Variants in TNS1 observed in about 807,000 individuals in gnomAD.
TNS1 encodes the protein tensin-1.
In TNS1, 62 loss-of-function variants were observed where a neutral mutation model predicts 168.6. That is an observed-to-expected ratio of 0.37 (90% CI 0.30 to 0.45). The LOEUF is 0.45. Ranked by LOEUF, TNS1 falls within the 20% of genes least tolerant of loss-of-function variation. The pLI, the probability that TNS1 is intolerant of heterozygous loss-of-function variation, is 1.00. For synonymous variants in TNS1, 934 were observed against 933.2 expected, an observed-to-expected ratio of 1.00 and a Z score of -0.02; for missense variants, 2,240 against 2,339.4, an observed-to-expected ratio of 0.96 and a Z score of 0.88.
chr2:217,936,681 G>A lies in TNS1; in HGVS notation c.187-16445C>T, dbSNP rs563294306. ...CTTCCCTGTATTAAAATCCCCTGCC[G>A]CTCCCCTCTTTAACCTGCCTCAGAA... On this transcript the variant is annotated intron_variant, in intron 3 of 32. Coordinates refer to ENST00000682258, the MANE Select transcript of TNS1 (RefSeq NM_001387777.1). Among the ~76,000 whole-genome samples, 8 of 152,032 alleles carry A rather than the reference G, an allele frequency of 5.3e-5. No individual in the cohort carries two copies. In the South Asian group the frequency reaches 1.0e-3, roughly 20 times the overall value.
intron 21 of TNS1, among the ~76,000 whole-genome samples, chr2:217,833,454 A>G (rs548661901): frequency 6.6e-6 from 1 of 152,302 alleles, no homozygotes; most frequent in African/African-American, 2.4e-5. Flanking sequence ...CTGACTTCTC[A>G]CCGAGGTACC....
In TNS1 at chr2:217,897,808, C is replaced by T; in HGVS notation, c.533G>A (p.Gly178Asp). The stretch of plus-strand genomic sequence containing the variant: ...AGGATCCATCCTCACCAGGTAGTTG[C>T]CTCCATGTTTGGACTTGAGCATCTG... ...VAQMLKSKHG[G>D]NYLLFNLSER... The change falls in exon 8 of 33, where the codon GGC becomes GAC. Residue 178 changes from glycine (G) to aspartate (D), a missense_variant. Coordinates refer to ENST00000682258, the MANE Select transcript of TNS1 (RefSeq NM_001387777.1). The T allele has an allele frequency of 6.2e-7, 1 of 1,602,104 alleles. No individual in the cohort carries two copies. The highest frequency in any genetic ancestry group is 8.5e-7 in the Non-Finnish European group (1 of 1,174,100).
At chr2:217,909,419 G>A in intron 4 of TNS1, among the ~76,000 whole-genome samples, 1 of 152,118 alleles carries the variant, frequency 6.6e-6, no homozygotes, top group East Asian at 1.9e-4. Flanking sequence ...CCTGCCCCAG[G>A]CCCGTTCAGG....
chr2:217,885,030 C>A lies in TNS1; in HGVS notation c.1246+5G>T, dbSNP rs199857017. On this transcript the variant is annotated splice_donor_5th_base_variant and intron_variant, in intron 16 of 32. Coordinates refer to ENST00000682258, the MANE Select transcript of TNS1 (RefSeq NM_001387777.1). ...CCCACCCCCAGCTCCACTCAAGGAG[C>A]GCACCTTTGAAAGCATCATCAAGGT... 1.9e-6 allele frequency: 3 copies of A among 1,614,166 alleles called. No individual in the cohort carries two copies. The highest frequency in any genetic ancestry group is 2.5e-6 in the Non-Finnish European group (3 of 1,179,994).
At chr2:218,003,236 C>T (rs1277053159), upstream of TNS1, among the ~76,000 whole-genome samples, 1 of 150,716 alleles carries the variant, frequency 6.6e-6, no homozygotes, top group Non-Finnish European at 1.5e-5. Context: ...CTGTGTGCCA[C>T]CAAGGCTCCT....
Position 217,813,533 on chromosome 2 carries a change from C to T in TNS1, c.4861+152G>A. 8.1e-7 allele frequency: 1 copy of T among 1,236,244 alleles called. No individual in the cohort carries two copies. 76.6% of individuals were successfully genotyped at this position (1,236,244 alleles called of 1,614,324 possible). On this transcript the variant is annotated intron_variant, in intron 26 of 32. Transcript: ENST00000682258. The surrounding 1 kb of genome is among the most constrained non-coding windows in gnomAD (Gnocchi z 4.0). ...ATCGTCCTGCTTTCCCAATCTCTGA[C>T]CTCAACCATCACCAAGCCCAAGACA...
In TNS1 at chr2:217,894,907, G is replaced by A. The variant is rs895798590; in HGVS notation, c.594+99C>T. The A allele has an allele frequency of 2.5e-6, 3 of 1,208,972 alleles. No individual in the cohort carries two copies. In the African/African-American group the frequency reaches 4.5e-5, roughly 18 times the overall value. The allele number at this position is 1,208,972 out of a possible 1,614,324, so 74.9% of individuals were successfully genotyped here. A position where few individuals can be genotyped will look rare whatever the true frequency, so the allele number is the denominator to read the frequency against. On this transcript the variant is annotated intron_variant, in intron 9 of 32. Coordinates refer to ENST00000682258, the MANE Select transcript of TNS1 (RefSeq NM_001387777.1). ...ATATAAGTCGGCACTCTGACAAACTGTCACAGCATTTTCCCCAAGATTATT... is the reference window on the plus strand; with the variant it reads ...ATATAAGTCGGCACTCTGACAAACTATCACAGCATTTTCCCCAAGATTATT...
intron 1 of TNS1, among the ~76,000 whole-genome samples, chr2:218,020,059 G>T (rs1255545283): frequency 6.6e-6 from 1 of 152,080 alleles, no homozygotes; most frequent in Non-Finnish European, 1.5e-5. Flanking sequence ...GTTGACTCTC[G>T]CTCTGTCTTA....
At chr2:217,852,330 A>G (rs56096813) in intron 18 of TNS1, among the ~76,000 whole-genome samples, 68,481 of 151,938 alleles carry the variant, frequency 0.45, 16,942 homozygotes, top group African/African-American at 0.66. Flanking sequence ...CCCCCTCCTG[A>G]GCCAGGGCAC....
At chr2:217,862,276 A>T (rs543573398) in intron 18 of TNS1, among the ~76,000 whole-genome samples, 3 of 150,664 alleles carry the variant, frequency 2.0e-5, no homozygotes, top group Middle Eastern at 3.2e-3. Context: ...TATTTGGGGG[A>T]AAAAAAAAGA....
At position 217,995,786 on chromosome 2, in the gene TNS1, C is replaced by G. The variant is rs1055173153; in HGVS notation, c.34-4730G>C. ...CACACCCACACCCCTCAACCCCCACCTCTCTCAAGAGCCAGGGCCCAGGAA... is the reference window on the plus strand; with the variant it reads ...CACACCCACACCCCTCAACCCCCACGTCTCTCAAGAGCCAGGGCCCAGGAA... On this transcript the variant is annotated intron_variant, in intron 1 of 32. Transcript: ENST00000682258. This position sits in a 1 kb window ranked among gnomAD's most constrained non-coding sequence, Gnocchi z 4.1. Among the ~76,000 whole-genome samples the G allele has an allele frequency of 6.6e-6, 1 of 152,216 alleles. No homozygotes were observed. Among genetic ancestry groups the G allele is most frequent in the African/African-American group, 2.4e-5 (1 of 41,458 alleles).
At chr2:217,999,622 C>T (rs979625496) in intron 1 of TNS1, among the ~76,000 whole-genome samples, 1 of 151,898 alleles carries the variant, frequency 6.6e-6, no homozygotes, top group African/African-American at 2.4e-5. Context: ...CAGCCTACCT[C>T]CCAAACCCAC....
intron 9 of TNS1, among the ~76,000 whole-genome samples, chr2:217,894,671 A>T (rs1381741906): frequency 6.6e-6 from 1 of 151,920 alleles, no homozygotes; most frequent in Non-Finnish European, 1.5e-5. Flanking sequence ...AAACAAACAA[A>T]CAAACAAAAA....
rs116872797 is a variant in TNS1, at chr2:217,894,135, G to A, written c.595-574C>T. Among the ~76,000 whole-genome samples, 280 of 152,280 alleles carry A rather than the reference G, an allele frequency of 1.8e-3. 4 individuals are homozygous for A. The East Asian group carries it at 0.044, about 24-fold the overall frequency. The stretch of plus-strand genomic sequence containing the variant: ...GGGCAGACCTGAACAGCAGGCTTCG[G>A]GCCTCTCAAAATCTTTCTAGACTCA... On this transcript the variant is annotated intron_variant, in intron 9 of 32. Transcript: ENST00000682258.
chr2:218,007,444 G>T (rs1003963858), upstream of TNS1, among the ~76,000 whole-genome samples: 2 of 151,960 alleles, frequency 1.3e-5, no homozygotes, highest in Non-Finnish European at 2.9e-5. Context: ...CATCTCCCAT[G>T]GATGGAGAAT....
At chr2:217,984,378 C>T (rs1020688966) in intron 2 of TNS1, among the ~76,000 whole-genome samples, 3 of 151,856 alleles carry the variant, frequency 2.0e-5, no homozygotes, top group East Asian at 1.9e-4. Flanking sequence ...GCTTTGAATG[C>T]GGCCCAACAC....
upstream of TNS1, among the ~76,000 whole-genome samples, chr2:218,014,180 T>C (rs934294292): frequency 6.6e-6 from 1 of 152,198 alleles, no homozygotes; most frequent in South Asian, 2.1e-4. Context: ...CACTTGGGCA[T>C]CTGATCGGAG....
chr2:217,819,341 T>G lies in TNS1; in HGVS notation c.3573-582A>C, dbSNP rs376572430. 1.6e-4 allele frequency among the ~76,000 whole-genome samples: 25 copies of G among 152,344 alleles called. No individual in the cohort carries two copies. The East Asian group carries it at 2.7e-3, about 16-fold the overall frequency. On this transcript the variant is annotated intron_variant, in intron 23 of 32. Coordinates refer to ENST00000682258, the MANE Select transcript of TNS1 (RefSeq NM_001387777.1). ...GGGGATTTGAGGTCATTGTAAGGTC[T>G]GCTCTCCAGCCACTGGGGATGTGGC...
rs546080700 is a variant in TNS1, at chr2:217,884,762, A to G, written c.1246+273T>C. 4.6e-5 allele frequency among the ~76,000 whole-genome samples: 7 copies of G among 152,306 alleles called. No individual in the cohort carries two copies. The South Asian group carries it at 1.5e-3, about 32-fold the overall frequency. ...ACAAACTGGGAGGACAAGATGAAGGAGAGACAGGGAAAGTCATAGAAGGCT... is the reference window on the plus strand; with the variant it reads ...ACAAACTGGGAGGACAAGATGAAGGGGAGACAGGGAAAGTCATAGAAGGCT... On this transcript the variant is annotated intron_variant, in intron 16 of 32. Transcript: ENST00000682258.
Sources: allele counts gnomAD v4.1 joint callset (sites outside exome capture counted in the v4.1 genomes callset), GRCh38; gene constraint gnomAD v4.1.1; non-coding constraint Gnocchi (gnomAD v3.1); transcripts MANE v1.5; gene names NCBI Gene and HGNC (gene_info 2026-07-23, HGNC 2026-07-21).